VPS13A: variants seen among roughly 807,000 people sequenced by gnomAD.
The protein encoded by VPS13A is intermembrane lipid transfer protein VPS13A.
Under a neutral mutation model 390.9 loss-of-function variants are expected in VPS13A, and 264 were observed. The observed-to-expected ratio is 0.68, with a 90% CI of 0.61 to 0.75. The LOEUF (loss-of-function observed/expected upper bound fraction) is 0.75. Among genes scored for constraint, VPS13A ranks in the 30% least tolerant of loss-of-function variants. The pLI, the probability that VPS13A is intolerant of heterozygous loss-of-function variation, is 0.00. For missense variants in VPS13A, 3,409 were observed against 3,733.9 expected, an observed-to-expected ratio of 0.91 and a Z score of 2.27; for synonymous variants, 1,231 against 1,227.1, an observed-to-expected ratio of 1.00 and a Z score of -0.07.
chr9:77,261,247 C>G (rs1825745560), intron 23 of VPS13A, among the ~76,000 whole-genome samples: 2 of 152,074 alleles, frequency 1.3e-5, no homozygotes, highest in Non-Finnish European at 1.5e-5. Flanking sequence ...ACACACTATT[C>G]TGAATCTGTA....
chr9:77,308,837 G>C (rs1208624687), intron 35 of VPS13A, among the ~76,000 whole-genome samples: 1 of 152,072 alleles, frequency 6.6e-6, no homozygotes, highest in Non-Finnish European at 1.5e-5. Context: ...AAAGCCCTGA[G>C]GTGTTACACA....
intron 5 of VPS13A, among the ~76,000 whole-genome samples, chr9:77,207,252 T>A (rs10781424): frequency 0.075 from 6,515 of 86,794 alleles, 545 homozygotes; most frequent in Non-Finnish European, 0.086. Context: ...TATATATATA[T>A]AAAACGTGTT....
intron 71 of VPS13A, among the ~76,000 whole-genome samples, chr9:77,412,429 G>A (rs1834982106): frequency 6.6e-6 from 1 of 152,190 alleles, no homozygotes; most frequent in South Asian, 2.1e-4. Context: ...GGGATGCAAG[G>A]CTGGTTCAAC....
At position 77,292,467 on chromosome 9, in the gene VPS13A, G is replaced by GT. The variant is rs994078204; in HGVS notation, c.3340-866dup. ...AAGTTATGATATCATAGTTTATCGGGTTTTTTTTCCTTTTCTTAAGGTTTG... is the reference window on the plus strand; with the variant it reads ...AAGTTATGATATCATAGTTTATCGGGTTTTTTTTTCCTTTTCTTAAGGTTTG... On this transcript the variant is annotated intron_variant, in intron 31 of 71. Coordinates refer to ENST00000360280, the MANE Select transcript of VPS13A (RefSeq NM_033305.3). Among the ~76,000 whole-genome samples, 9 of 151,808 alleles carry GT rather than the reference G, an allele frequency of 5.9e-5. No homozygotes were observed. In the South Asian group the frequency reaches 6.3e-4, roughly 11 times the overall value.
intron 67 of VPS13A, among the ~76,000 whole-genome samples, chr9:77,374,185 G>A (rs1239507709): frequency 6.6e-6 from 1 of 151,954 alleles, no homozygotes; most frequent in Admixed American, 6.6e-5. Flanking sequence ...TGATCTGCAG[G>A]GATCTGCAGT....
rs544104609 is a variant in VPS13A, at chr9:77,210,608, C to G, written c.496-8C>G. ...ATCTGAATAAATTTTACTTTCTTTC[C>G]TCTTTAGATCACAAATCGGGACAAA... On this transcript the variant is annotated splice_region_variant and splice_polypyrimidine_tract_variant and intron_variant, in intron 6 of 71. Transcript: ENST00000360280. The G allele has an allele frequency of 1.2e-6, 2 of 1,613,198 alleles. No homozygotes were observed. The highest frequency in any genetic ancestry group is 3.3e-5 in the Admixed American group (2 of 60,000).
At chr9:77,342,031 A>G (rs978797310) in intron 50 of VPS13A, among the ~76,000 whole-genome samples, 1 of 152,096 alleles carries the variant, frequency 6.6e-6, no homozygotes, top group Non-Finnish European at 1.5e-5. Flanking sequence ...TTGAGAGTTC[A>G]AGAGCCAGGG....
chr9:77,351,728 G>A (rs1014459373), intron 53 of VPS13A, among the ~76,000 whole-genome samples: 2 of 152,112 alleles, frequency 1.3e-5, no homozygotes, highest in Admixed American at 6.6e-5. Flanking sequence ...AATTAGCCTC[G>A]CATGGTGGCG....
At chr9:77,370,823 T>A in intron 65 of VPS13A, 67 bp from the exon 66 acceptor site, 1 of 1,598,548 alleles carries the variant, frequency 6.3e-7, no homozygotes, top group Non-Finnish European at 8.6e-7. Context: ...TTTTGTGTAA[T>A]CCAAACTTGG....
chr9:77,360,028 C>T (rs1007982325), intron 58 of VPS13A, among the ~76,000 whole-genome samples: 4 of 152,086 alleles, frequency 2.6e-5, no homozygotes, highest in Admixed American at 1.3e-4. Context: ...TGGACTGAAA[C>T]ATCTATGTAA....
chr9:77,277,445 A>G (rs916699925), intron 26 of VPS13A, among the ~76,000 whole-genome samples: 1 of 152,182 alleles, frequency 6.6e-6, no homozygotes, highest in African/African-American at 2.4e-5. Context: ...AATTACCAAG[A>G]GTCCACAATT....
At position 77,321,219 on chromosome 9, in the gene VPS13A, A is replaced by G. The variant is rs539417347; in HGVS notation, c.5466A>G (p.Glu1822=). The change falls in exon 43 of 72, where the codon GAA becomes GAG. Residue 1822 remains glutamate (E), a synonymous_variant. Transcript: ENST00000360280. ...MAIVESDPEE[E]NYKVPEYKTV... is the part of the protein sequence containing the mutation. ...TTGTTGAGTCAGATCCTGAAGAAGAAAACTACAAAGTGCCAGAATATAAAA... is the reference window on the plus strand; with the variant it reads ...TTGTTGAGTCAGATCCTGAAGAAGAGAACTACAAAGTGCCAGAATATAAAA... 1.7e-5 allele frequency: 28 copies of G among 1,612,792 alleles called. No individual in the cohort carries two copies. The Admixed American group carries it at 2.3e-4, about 13-fold the overall frequency.
rs1193967931 is a variant in VPS13A, at chr9:77,340,025, A to G, written c.6774+114A>G. 7 of 1,409,244 alleles carry G rather than the reference A, an allele frequency of 5.0e-6. No individual in the cohort carries two copies. The African/African-American group carries it at 5.8e-5, about 12-fold the overall frequency. 87.3% of individuals were successfully genotyped at this position (1,409,244 alleles called of 1,614,324 possible). On this transcript the variant is annotated intron_variant, in intron 48 of 71. Transcript: ENST00000360280. Reference sequence around the variant, plus strand: ...CTTGGATAGAAATAACTTGTTAAATATTTGAGGCCAAAAAGATTAGAATTT... The same window carrying G: ...CTTGGATAGAAATAACTTGTTAAATGTTTGAGGCCAAAAAGATTAGAATTT...
Position 77,191,288 on chromosome 9 carries a change from T to C in VPS13A, c.101-8657T>C, listed in dbSNP as rs116960668. On this transcript the variant is annotated intron_variant, in intron 1 of 71. Transcript: ENST00000360280. ...TAATTCCTTTCTTTTCTTTTCTTTT[T>C]CTTCTTCTTTTTTTTTTTTTTTTGA... 8.5e-3 allele frequency among the ~76,000 whole-genome samples: 1,269 copies of C among 149,164 alleles called. 10 individuals carry two copies. Among genetic ancestry groups the C allele is most frequent in the South Asian group, 0.014 (68 of 4,734 alleles).
At chr9:77,392,175 C>G (rs1309240075) in intron 68 of VPS13A, among the ~76,000 whole-genome samples, 3 of 152,168 alleles carry the variant, frequency 2.0e-5, no homozygotes. Context: ...CCATCTTCCA[C>G]AGAGACAGTG....
At position 77,341,691 on chromosome 9, in the gene VPS13A, C is replaced by CTTTTTTTTTTTTTTTTT. The variant is rs57841628; in HGVS notation, c.7026+1154_7026+1170dup. ...AGTAAGTTCTACATGGACATCTTTCCTTTTTTTTTTTTTTTTTTTTTTTTT... is the reference window on the plus strand; with the variant it reads ...AGTAAGTTCTACATGGACATCTTTCCTTTTTTTTTTTTTTTTTTTTTTTTTTTTTTTTTTTTTTTTTT... On this transcript the variant is annotated intron_variant, in intron 50 of 71. Transcript: ENST00000360280. Among the ~76,000 whole-genome samples, 78 of 37,846 alleles carry CTTTTTTTTTTTTTTTTT rather than the reference C, an allele frequency of 2.1e-3. 12 individuals are homozygous for CTTTTTTTTTTTTTTTTT. Among genetic ancestry groups the CTTTTTTTTTTTTTTTTT allele is most frequent in the East Asian group, 2.5e-3 (3 of 1,212 alleles). 24.8% of individuals were successfully genotyped at this position (37,846 alleles called of 152,430 possible). A position where few individuals can be genotyped will look rare whatever the true frequency, so the allele number is the denominator to read the frequency against.
chr9:77,186,313 A>G (rs1009110959), intron 1 of VPS13A, among the ~76,000 whole-genome samples: 1 of 152,206 alleles, frequency 6.6e-6, no homozygotes, highest in Non-Finnish European at 1.5e-5. Context: ...ACATTTTTCT[A>G]TTAATTTAAG....
Position 77,340,466 on chromosome 9 carries a change from T to C in VPS13A, c.6942T>C (p.Phe2314=). The change falls in exon 50 of 72, where the codon TTT becomes TTC. Residue 2314 remains phenylalanine (F), a synonymous_variant. Transcript: ENST00000360280. ...CTAGAATTGTGACATTTACCCCTTTTTATATGATTAAAAACAAAAGCAAAT... is the reference window on the plus strand; with the variant it reads ...CTAGAATTGTGACATTTACCCCTTTCTATATGATTAAAAACAAAAGCAAAT... ...NITRIVTFTP[F]YMIKNKSKYH... is the part of the protein sequence containing the mutation. 2 of 1,613,520 alleles carry C rather than the reference T, an allele frequency of 1.2e-6. No homozygotes were observed. The highest frequency in any genetic ancestry group is 1.7e-5 in the Admixed American group (1 of 60,020).
chr9:77,351,489 A>T (rs1174417186), intron 53 of VPS13A, 43 bp downstream of exon 53: 1 of 1,606,524 alleles, frequency 6.2e-7, no homozygotes, highest in Admixed American at 1.7e-5. Context: ...GCCTTTTTTA[A>T]AAAAGGTATT....
Sources: gnomAD v4.1 joint callset for allele counts (sites outside exome capture counted in the v4.1 genomes callset) on GRCh38, gnomAD v4.1.1 for gene constraint, MANE v1.5 for transcripts, NCBI Gene and HGNC (gene_info 2026-07-23, HGNC 2026-07-21) for gene names.